The following SAMMSON variants were observed in gnomAD, a reference collection of about 807,000 sequenced individuals.
The protein encoded by SAMMSON is long intergenic non-protein coding RNA 1212.
In SAMMSON at chr3:70,149,877, A is replaced by G. The variant is rs1023818314; in HGVS notation, n.507+78312A>G. ...CCCAAGTTACAACCCCTGATCAGAA[A>G]GCAGAAACCCAAACATACACTACTC... On this transcript the variant is annotated intron_variant and non_coding_transcript_variant, in intron 4 of 9. Coordinates refer to ENST00000642114, the Ensembl canonical transcript of SAMMSON. 5.3e-5 allele frequency among the ~76,000 whole-genome samples: 8 copies of G among 152,200 alleles called. No homozygotes were observed. In the South Asian group the frequency reaches 1.2e-3, roughly 24 times the overall value.
intron 4 of SAMMSON, among the ~76,000 whole-genome samples, chr3:70,091,481 T>C (rs1368213366): frequency 1.3e-5 from 2 of 152,184 alleles, no homozygotes; most frequent in African/African-American, 2.4e-5. Context: ...TTGTCAACTT[T>C]ATGGCACATT....
chr3:70,095,140 G>T (rs2067318866), intron 4 of SAMMSON, among the ~76,000 whole-genome samples: 1 of 152,122 alleles, frequency 6.6e-6, no homozygotes, highest in Non-Finnish European at 1.5e-5. Context: ...TGGAGGTCAG[G>T]GTTCAGTCCT....
At chr3:70,048,796 C>G (rs778184599) in intron 3 of SAMMSON, among the ~76,000 whole-genome samples, 33 of 152,042 alleles carry the variant, frequency 2.2e-4, no homozygotes, top group Non-Finnish European at 4.3e-4. Context: ...ATTGGTCGCT[C>G]TTATAGAACT....
chr3:70,125,814 G>A, intron 4 of SAMMSON: 1 of 661,374 alleles, frequency 1.5e-6, no homozygotes, highest in Non-Finnish European at 2.7e-6. Context: ...TGGGTCTTTG[G>A]GGCTGAAGAT....
chr3:70,206,435 G>C (rs1701291350), intron 4 of SAMMSON: 1 of 394,070 alleles, frequency 2.5e-6, no homozygotes, highest in Non-Finnish European at 4.5e-6. Context: ...TCATTCACCA[G>C]AGTTTTCAAA....
At chr3:70,232,700 A>G (rs1701571979) in intron 4 of SAMMSON, among the ~76,000 whole-genome samples, 2 of 152,106 alleles carry the variant, frequency 1.3e-5, no homozygotes, top group South Asian at 4.2e-4. Flanking sequence ...ACCCCTCAAC[A>G]AGAGAGGTAA....
intron 6 of SAMMSON, among the ~76,000 whole-genome samples, chr3:70,271,201 TGAG>T (rs1701973148): frequency 6.6e-6 from 1 of 152,144 alleles, no homozygotes; most frequent in Admixed American, 6.5e-5. Context: ...CTAATTATCT[TGAG>T]GATCTGTTAT....
intron 6 of SAMMSON, chr3:70,291,082 C>T (rs1198749384): frequency 1.3e-5 from 2 of 152,294 alleles, no homozygotes; most frequent in Admixed American, 6.5e-5. Context: ...CTTGGCTCCT[C>T]CAGAGCTACT....
chr3:70,259,989 C>T (rs1014579714), intron 6 of SAMMSON, among the ~76,000 whole-genome samples: 2 of 152,054 alleles, frequency 1.3e-5, no homozygotes, highest in South Asian at 2.1e-4. Flanking sequence ...CTCACTATCA[C>T]GAGAACAGCG....
chr3:70,266,397 G>C (rs531698365), intron 6 of SAMMSON, among the ~76,000 whole-genome samples: 6 of 151,554 alleles, frequency 4.0e-5, no homozygotes, highest in Non-Finnish European at 8.8e-5. Context: ...ACTTATCATA[G>C]AGATATATAT....
At chr3:70,418,627 G>C (rs1575645384) in intron 2 of SAMMSON, among the ~76,000 whole-genome samples, 1 of 152,266 alleles carries the variant, frequency 6.6e-6, no homozygotes, top group African/African-American at 2.4e-5. Flanking sequence ...CAATGTCTCT[G>C]TCACCCTCAG....
chr3:70,427,201 ACATC>A (rs1414613398), intron 2 of SAMMSON, among the ~76,000 whole-genome samples: 1 of 152,152 alleles, frequency 6.6e-6, no homozygotes, highest in Non-Finnish European at 1.5e-5. Context: ...ACAGCATACA[ACATC>A]TGCAACGGTA....
At chr3:70,333,480 ATACTGTC>A (rs1203958528) in intron 7 of SAMMSON, among the ~76,000 whole-genome samples, 14 of 152,182 alleles carry the variant, frequency 9.2e-5, no homozygotes, top group Non-Finnish European at 1.9e-4. Flanking sequence ...TCTTCACTGG[ATACTGTC>A]TTGTCTACAT....
At chr3:70,280,697 T>A (rs975503829) in intron 6 of SAMMSON, among the ~76,000 whole-genome samples, 5 of 152,024 alleles carry the variant, frequency 3.3e-5, no homozygotes, top group African/African-American at 1.2e-4. Flanking sequence ...CCAAGGCAGG[T>A]CTCCAAAGCC....
chr3:70,409,476 AAAG>A (rs2106767756), intron 2 of SAMMSON, among the ~76,000 whole-genome samples: 1 of 152,260 alleles, frequency 6.6e-6, no homozygotes, highest in African/African-American at 2.4e-5. Flanking sequence ...AAAAAAAAAA[AAAG>A]AATTAGAGAA....
intron 7 of SAMMSON, among the ~76,000 whole-genome samples, chr3:70,344,691 C>A (rs1464973512): frequency 6.6e-6 from 1 of 152,210 alleles, no homozygotes; most frequent in African/African-American, 2.4e-5. Context: ...GAGCCAAGGG[C>A]ACACTCCCTG....
intron 3 of SAMMSON, among the ~76,000 whole-genome samples, chr3:70,032,467 C>T (rs2067069766): frequency 6.6e-6 from 1 of 152,130 alleles, no homozygotes; most frequent in African/African-American, 2.4e-5. Context: ...TTCTCTGTCT[C>T]CTTTACTTAG....
At position 70,113,695 on chromosome 3, in the gene SAMMSON, C is replaced by G. The variant is rs1397491266; in HGVS notation, n.507+42130C>G. Among the ~76,000 whole-genome samples the G allele has an allele frequency of 1.3e-5, 2 of 152,088 alleles. 1 individual carries two copies. On this transcript the variant is annotated intron_variant and non_coding_transcript_variant, in intron 4 of 9. Coordinates refer to ENST00000642114, the Ensembl canonical transcript of SAMMSON. ...TGTTATGGGCTGTATTTTTATGTCC[C>G]CTTGACCACCGCCCCAAACTCATGT...
chr3:70,167,026 T>C (rs2067640119), intron 4 of SAMMSON, among the ~76,000 whole-genome samples: 4 of 152,070 alleles, frequency 2.6e-5, no homozygotes, highest in Non-Finnish European at 5.9e-5. Flanking sequence ...GTAGTTACAA[T>C]AAAATGCTTT....
Sources: allele counts gnomAD v4.1 joint callset (sites outside exome capture counted in the v4.1 genomes callset), GRCh38; gene constraint gnomAD v4.1.1; transcripts MANE v1.5; gene names NCBI Gene and HGNC (gene_info 2026-07-23, HGNC 2026-07-21).